Variants in TMEM114 observed in about 807,000 individuals in gnomAD.
TMEM114 encodes transmembrane protein 114.
TMEM114 carries 6 observed loss-of-function variants against 6.2 expected under a neutral mutation model. The ratio of observed to expected loss-of-function variants is 0.97; its 90% CI spans 0.53 to 1.91. The LOEUF (loss-of-function observed/expected upper bound fraction) is 1.91, where lower values mean the gene tolerates loss of function less well. TMEM114 is among the 40% of genes most tolerant of loss of function. The probability of loss-of-function intolerance (pLI) is 0.01; values close to 1 mark genes in which losing one functional copy is unlikely to be tolerated. For synonymous variants in TMEM114, 104 were observed against 73.0 expected (o/e 1.42, Z -2.16); for missense variants, 218 against 158.3 (o/e 1.38, Z -2.02).
chr16:8,560,791 C>T (rs766292831), intron 2 of TMEM114, among the ~76,000 whole-genome samples: 1 of 152,150 alleles, frequency 6.6e-6, no homozygotes, highest in Admixed American at 6.5e-5. Context: ...CAGGAGAAGG[C>T]ACCAAAGTCA....
At position 8,562,220 on chromosome 16, in the gene TMEM114, ATGAGTGAG is replaced by A. The variant is rs61728545; in HGVS notation, n.213-24402_213-24395del. Among the ~76,000 whole-genome samples, 1,060 of 118,544 alleles carry A rather than the reference ATGAGTGAG, an allele frequency of 8.9e-3. 25 individuals are homozygous for A. The highest frequency in any genetic ancestry group is 0.03 in the African/African-American group (1,018 of 33,400). 77.8% of individuals were successfully genotyped at this position (118,544 alleles called of 152,430 possible). ...AATGAGTCAGTGAATGAGTGAGTAA[ATGAGTGAG>A]TGAGTGAGTGAATGAGTGACTGAGT... On this transcript the variant is annotated intron_variant and non_coding_transcript_variant, in intron 2 of 2. Coordinates refer to the TMEM114 transcript ENST00000623677.
chr16:8,548,224 T>C (rs1036435116), intron 2 of TMEM114, among the ~76,000 whole-genome samples: 1 of 152,208 alleles, frequency 6.6e-6, no homozygotes, highest in Non-Finnish European at 1.5e-5. Flanking sequence ...CCCCTGGATT[T>C]TCTCATTTGT....
At chr16:8,571,326 T>G (rs1236129409) in intron 3 of TMEM114, among the ~76,000 whole-genome samples, 1 of 152,186 alleles carries the variant, frequency 6.6e-6, no homozygotes. Flanking sequence ...AAAAATTGTA[T>G]GTATTTACGG....
At chr16:8,564,261 GTGATGAAA>G (rs1901431387) in intron 2 of TMEM114, among the ~76,000 whole-genome samples, 1 of 11,754 alleles carries the variant, frequency 8.5e-5, no homozygotes, top group South Asian at 2.1e-3. Flanking sequence ...GAGTGAATGA[GTGATGAAA>G]TAAGTGAATG....
At chr16:8,580,934 C>T (rs1205095466) in intron 2 of TMEM114, among the ~76,000 whole-genome samples, 1 of 152,166 alleles carries the variant, frequency 6.6e-6, no homozygotes, top group Non-Finnish European at 1.5e-5. Context: ...TCAAGTGATC[C>T]ACCTGCCTCG....
chr16:8,540,083 C>T (rs916023448), intron 2 of TMEM114, among the ~76,000 whole-genome samples: 1 of 152,154 alleles, frequency 6.6e-6, no homozygotes, highest in Non-Finnish European at 1.5e-5. Context: ...CTCAGCCTCC[C>T]AAAGTGCTGG....
intron 2 of TMEM114, among the ~76,000 whole-genome samples, chr16:8,538,489 G>T (rs1900426202): frequency 6.7e-6 from 1 of 149,014 alleles, no homozygotes; most frequent in Non-Finnish European, 1.5e-5. Context: ...GTGTGCTGTG[G>T]TTTTTTTGTT....
chr16:8,580,472 G>A (rs1304008109), intron 2 of TMEM114, among the ~76,000 whole-genome samples: 1 of 147,828 alleles, frequency 6.8e-6, no homozygotes, highest in African/African-American at 2.5e-5. Context: ...GGGCGACAGA[G>A]AGTGACTCCA....
At chr16:8,554,569 C>T (rs930912594) in intron 2 of TMEM114, among the ~76,000 whole-genome samples, 1 of 152,158 alleles carries the variant, frequency 6.6e-6, no homozygotes, top group Non-Finnish European at 1.5e-5. Context: ...GGGGTTGGCT[C>T]TGCTTCTCTT....
chr16:8,549,617 G>A (rs10468320), intron 2 of TMEM114, among the ~76,000 whole-genome samples: 65,675 of 151,876 alleles, frequency 0.43, 14,987 homozygotes, highest in African/African-American at 0.57. Flanking sequence ...AAGATATCAT[G>A]TTTTCCTTCG....
chr16:8,564,514 TGAGTGACGGAGGGAGG>T (rs1179990917), downstream of TMEM114, among the ~76,000 whole-genome samples: 903 of 136,578 alleles, frequency 6.6e-3, 39 homozygotes, highest in Middle Eastern at 0.017. Context: ...AGTAAATGAG[TGAGTGACGGAGGGAGG>T]GAATGAGTGA....
intron 2 of TMEM114, among the ~76,000 whole-genome samples, chr16:8,548,360 G>T (rs1596469897): frequency 6.6e-6 from 1 of 152,088 alleles, no homozygotes; most frequent in African/African-American, 2.4e-5. Flanking sequence ...TTGAGTGCCG[G>T]GTGGCACCTC....
intron 2 of TMEM114, 122 bp from the exon 3 acceptor site, chr16:8,572,346 G>T (rs1468431288): frequency 1.9e-6 from 2 of 1,025,980 alleles, no homozygotes; most frequent in Admixed American, 4.1e-5. Context: ...CTGCCCCTAC[G>T]ACGATTACTT....
chr16:8,534,444 G>A (rs112159282), downstream of TMEM114, among the ~76,000 whole-genome samples: 3 of 152,162 alleles, frequency 2.0e-5, no homozygotes, highest in African/African-American at 7.2e-5. Context: ...GGTGGAGGGT[G>A]TAGAATTGCT....
intron 2 of TMEM114, among the ~76,000 whole-genome samples, chr16:8,580,936 C>G (rs893501581): frequency 2.0e-5 from 3 of 152,214 alleles, no homozygotes; most frequent in Non-Finnish European, 4.4e-5. Context: ...AAGTGATCCA[C>G]CTGCCTCGGC....
At chr16:8,571,813 C>T (rs987955067) in intron 3 of TMEM114, among the ~76,000 whole-genome samples, 4 of 152,154 alleles carry the variant, frequency 2.6e-5, no homozygotes, top group Admixed American at 2.0e-4. Context: ...GAAGCTATCA[C>T]GAGTTTGGGC....
At chr16:8,559,988 A>C (rs994583518) in intron 2 of TMEM114, among the ~76,000 whole-genome samples, 5 of 151,988 alleles carry the variant, frequency 3.3e-5, no homozygotes, top group Non-Finnish European at 5.9e-5. Flanking sequence ...CTTCTGGCTA[A>C]TGATCTTGTT....
Position 8,561,619 on chromosome 16 carries a change from GA to G in TMEM114, n.213-23794del, listed in dbSNP as rs758662650. Among the ~76,000 whole-genome samples, 4 of 152,358 alleles carry G rather than the reference GA, an allele frequency of 2.6e-5. No homozygotes were observed. The South Asian group carries it at 8.3e-4, about 32-fold the overall frequency. On this transcript the variant is annotated intron_variant and non_coding_transcript_variant, in intron 2 of 2. Coordinates refer to the TMEM114 transcript ENST00000623677. ...TCGATGAGCATATGAATGAGTAAGT[GA>G]ATGAATGAATAACTATATGAACAAG...
At chr16:8,536,156 C>T (rs973716005), downstream of TMEM114, among the ~76,000 whole-genome samples, 7 of 149,884 alleles carry the variant, frequency 4.7e-5, no homozygotes, top group African/African-American at 9.9e-5. Flanking sequence ...ACCTGGGAGG[C>T]GGAGGTTGCA....
Sources: allele counts gnomAD v4.1 joint callset (sites outside exome capture counted in the v4.1 genomes callset), GRCh38; gene constraint gnomAD v4.1.1; transcripts MANE v1.5; gene names NCBI Gene and HGNC (gene_info 2026-07-23, HGNC 2026-07-21).